The following DCLK1 variants were observed in gnomAD, a reference collection of about 807,000 sequenced individuals.
DCLK1 encodes the protein serine/threonine-protein kinase DCLK1.
A neutral mutation model predicts 86.2 loss-of-function variants in DCLK1; 16 were observed. The ratio of observed to expected loss-of-function variants is 0.19; its 90% confidence interval spans 0.13 to 0.28. The LOEUF (loss-of-function observed/expected upper bound fraction) is 0.28. Ranked by LOEUF, DCLK1 falls within the 10% of genes least tolerant of loss-of-function variation. The pLI is 1.00. For missense variants in DCLK1, 590 were observed against 940.2 expected (o/e 0.63, Z 4.87); for synonymous variants, 369 against 370.5 (o/e 1.00, Z 0.05).
chr13:35,993,525 C>T (rs1215374024), intron 3 of DCLK1, among the ~76,000 whole-genome samples: 1 of 152,136 alleles, frequency 6.6e-6, no homozygotes, highest in Non-Finnish European at 1.5e-5. Context: ...CATGATTTGT[C>T]TTAGACTTGC....
chr13:35,912,159 G>C (rs1875078186), intron 4 of DCLK1, among the ~76,000 whole-genome samples: 2 of 152,090 alleles, frequency 1.3e-5, no homozygotes, highest in South Asian at 4.1e-4. Context: ...ATGGTCCTCA[G>C]CATAGAGTTT....
intron 3 of DCLK1, among the ~76,000 whole-genome samples, chr13:36,031,286 T>C (rs113253185): frequency 1.3e-3 from 197 of 152,020 alleles, no homozygotes; most frequent in African/African-American, 4.4e-3. Flanking sequence ...AGAGTGATTT[T>C]TCTTGTGAGG....
At chr13:35,941,758 A>G (rs978360818) in intron 4 of DCLK1, among the ~76,000 whole-genome samples, 6 of 152,252 alleles carry the variant, frequency 3.9e-5, no homozygotes, top group African/African-American at 1.2e-4. Flanking sequence ...AATATTAAAT[A>G]ACACATTTTT....
chr13:35,793,424 T>G lies in DCLK1; in HGVS notation c.2000A>C (p.Lys667Thr). 1 of 1,610,274 alleles carries G rather than the reference T, an allele frequency of 6.2e-7. No individual in the cohort carries two copies. Among genetic ancestry groups the G allele is most frequent in the Non-Finnish European group, 8.5e-7 (1 of 1,178,068 alleles). ...HQLSVAGKIK[K>T]HFNTGPKPNS... ...CGGCTTGGGGCCTGTGTTGAAATGC[T>G]TCTTTATCTTTCCAGCTACTGACAG... Residue 667 changes from lysine to threonine, a missense_variant, in exon 16 of 17, where the codon AAG (lysine) becomes ACG (threonine). Lys to Thr is a moderately conservative substitution (Grantham distance 78). This residue lies in a region of DCLK1 where 146 missense variants were observed against 190.2 expected (regional missense o/e 0.77). Coordinates refer to ENST00000360631, the MANE Select transcript of DCLK1 (RefSeq NM_001330071.2).
chr13:35,932,226 T>A (rs1301347677), intron 4 of DCLK1, among the ~76,000 whole-genome samples: 1 of 152,162 alleles, frequency 6.6e-6, no homozygotes, highest in East Asian at 1.9e-4. Context: ...CTGGAACATC[T>A]GATTTCATCT....
intron 4 of DCLK1, among the ~76,000 whole-genome samples, chr13:35,896,849 G>A (rs1412875695): frequency 2.6e-5 from 4 of 152,132 alleles, no homozygotes; most frequent in African/African-American, 4.8e-5. Flanking sequence ...GTGTGGAGGG[G>A]GCTCTAGATG....
intron 6 of DCLK1, chr13:35,847,955 G>A (rs1310239145): frequency 2.0e-6 from 2 of 985,122 alleles, no homozygotes; most frequent in African/African-American, 3.5e-5. Context: ...ATAGTCTTTT[G>A]AGTTCACACT....
chr13:36,014,999 TC>T (rs1259325876), intron 3 of DCLK1, among the ~76,000 whole-genome samples: 4 of 25,724 alleles, frequency 1.6e-4, no homozygotes, highest in African/African-American at 5.0e-4. Flanking sequence ...TCTCTCTCTC[TC>T]TCTTTCTCTC....
intron 3 of DCLK1, among the ~76,000 whole-genome samples, chr13:35,976,729 T>C (rs1275116889): frequency 6.7e-6 from 1 of 149,544 alleles, no homozygotes; most frequent in Non-Finnish European, 1.5e-5. Context: ...AGAGACGGGG[T>C]TTCACCGTTT....
At position 35,965,464 on chromosome 13, in the gene DCLK1, T is replaced by C. The variant is rs564543297; in HGVS notation, c.724-18007A>G. Among the ~76,000 whole-genome samples, 104 of 152,338 alleles carry C rather than the reference T, an allele frequency of 6.8e-4. 1 individual carries two copies. Among genetic ancestry groups the C allele is most frequent in the African/African-American group, 2.4e-3 (99 of 41,590 alleles). The stretch of plus-strand genomic sequence containing the variant: ...CATCTGATAGTGCCATGCTCTTTGT[T>C]AGCCAGATGTTATTCACTTGGTTGT... On this transcript the variant is annotated intron_variant, in intron 3 of 16. Coordinates refer to ENST00000360631, the MANE Select transcript of DCLK1 (RefSeq NM_001330071.2).
intron 4 of DCLK1, among the ~76,000 whole-genome samples, chr13:35,916,533 C>T (rs1875422979): frequency 6.6e-6 from 1 of 152,162 alleles, no homozygotes; most frequent in African/African-American, 2.4e-5. Flanking sequence ...ACATTTTAAA[C>T]TTCCATCTTC....
chr13:36,045,856 A>G (rs887763307), intron 3 of DCLK1, among the ~76,000 whole-genome samples: 5 of 137,444 alleles, frequency 3.6e-5, no homozygotes, highest in South Asian at 2.5e-4. Context: ...CCAAGTCAAG[A>G]AAAAAAAAAA....
intron 11 of DCLK1, among the ~76,000 whole-genome samples, chr13:35,815,038 A>G (rs2153103726): frequency 6.6e-6 from 1 of 152,334 alleles, no homozygotes; most frequent in Non-Finnish European, 1.5e-5. Flanking sequence ...TAAAACCTGA[A>G]GGCATATCCA....
intron 3 of DCLK1, among the ~76,000 whole-genome samples, chr13:36,069,959 C>A (rs1439782465): frequency 3.3e-5 from 5 of 152,112 alleles, no homozygotes; most frequent in Non-Finnish European, 5.9e-5. Context: ...GCCTTTAGTG[C>A]AATCAGCCAG....
At chr13:35,895,123 T>G (rs1457143564) in intron 4 of DCLK1, among the ~76,000 whole-genome samples, 1 of 152,088 alleles carries the variant, frequency 6.6e-6, no homozygotes, top group East Asian at 1.9e-4. Context: ...AAAATTTTTT[T>G]GTAGAGGTGG....
intron 3 of DCLK1, among the ~76,000 whole-genome samples, chr13:36,039,567 T>A (rs1882628765): frequency 6.6e-6 from 1 of 152,172 alleles, no homozygotes. Flanking sequence ...TATTTAAATT[T>A]CTGTCAATTT....
At chr13:35,995,061 T>C (rs1381042256) in intron 3 of DCLK1, among the ~76,000 whole-genome samples, 4 of 152,230 alleles carry the variant, frequency 2.6e-5, no homozygotes, top group Non-Finnish European at 4.4e-5. Flanking sequence ...TTTCACCAAA[T>C]AGCATATGCT....
chr13:36,036,307 G>A (rs560417925), intron 3 of DCLK1, among the ~76,000 whole-genome samples: 1 of 152,320 alleles, frequency 6.6e-6, no homozygotes, highest in East Asian at 1.9e-4. Flanking sequence ...TCCTCAAGGA[G>A]CAGCATCTCT....
rs1241138252 is a variant in DCLK1 at position 36,112,309 on chromosome 13, C to A, written c.377-94G>T. The A allele has an allele frequency of 1.1e-6, 1 of 932,892 alleles. No individual in the cohort carries two copies. The highest frequency in any genetic ancestry group is 1.7e-5 in the African/African-American group (1 of 60,094). The allele number at this position is 932,892 out of a possible 1,614,324, so 57.8% of individuals were successfully genotyped here. On this transcript the variant is annotated intron_variant, in intron 2 of 16. Transcript: ENST00000360631. ...CTCTTTTGCCTTTTCTGCTTAGGGG[C>A]AAGAGCTAGCCCTGACTTTTCAAAC...
Sources: gnomAD v4.1 joint callset for allele counts (sites outside exome capture counted in the v4.1 genomes callset) on GRCh38, gnomAD v4.1.1 for gene constraint, gnomAD v4.1.1 regional missense constraint, MANE v1.5 for transcripts, NCBI Gene and HGNC (gene_info 2026-07-23, HGNC 2026-07-21) for gene names.